ACTR3C: variants seen among roughly 807,000 people sequenced by gnomAD.
ACTR3C encodes the protein actin-related protein 3C.
A neutral mutation model predicts 26.3 loss-of-function variants in ACTR3C; 18 were observed. That is an observed-to-expected ratio of 0.68 (90% CI 0.47 to 1.01). ACTR3C has a LOEUF of 1.01. ACTR3C is among the 50% of genes least tolerant of loss of function. The pLI is 0.00. For missense variants in ACTR3C, 184 were observed against 250.7 expected (o/e 0.73, Z 1.80); for synonymous variants, 55 against 94.5 (o/e 0.58, Z 2.42).
chr7:150,308,359 G>T (rs1338680026), intron 1 of ACTR3C, among the ~76,000 whole-genome samples: 1 of 152,186 alleles, frequency 6.6e-6, no homozygotes, highest in South Asian at 2.1e-4. Context: ...CTGCAACTCC[G>T]CTTGGCCCCA....
chr7:150,007,578 C>T, the ACTR3C span, among the ~76,000 whole-genome samples: 1 of 152,242 alleles, frequency 6.6e-6, no homozygotes, highest in East Asian at 1.9e-4. Flanking sequence ...GTTGATACCT[C>T]AGATAACCAC....
chr7:150,246,431 A>G (rs1832466161), downstream of ACTR3C: 1 of 152,216 alleles, frequency 6.6e-6, no homozygotes, highest in African/African-American at 2.4e-5. Context: ...ATAAGGATGC[A>G]TGCTGTCAGA....
the ACTR3C span, among the ~76,000 whole-genome samples, chr7:150,117,359 C>A: frequency 6.6e-6 from 1 of 152,304 alleles, no homozygotes; most frequent in Non-Finnish European, 1.5e-5. Flanking sequence ...CCAGCACAAC[C>A]ATCTGAAGTC....
At chr7:150,231,307 C>T in the ACTR3C span, among the ~76,000 whole-genome samples, 1 of 151,982 alleles carries the variant, frequency 6.6e-6, no homozygotes, top group African/African-American at 2.4e-5. Context: ...TCATGGGAGG[C>T]ATTTGGGTCT....
At chr7:149,985,195 T>C in the ACTR3C span, among the ~76,000 whole-genome samples, 1 of 122,692 alleles carries the variant, frequency 8.2e-6, no homozygotes, top group South Asian at 3.0e-4. Context: ...AAATCATGCT[T>C]GCAAACAAAG....
chr7:150,249,493 A>G (rs2373771), intron 6 of ACTR3C, among the ~76,000 whole-genome samples: 14,636 of 151,992 alleles, frequency 0.096, 2,366 homozygotes, highest in African/African-American at 0.33. Context: ...TCATTCTGTC[A>G]CCCAGGCTGG....
chr7:150,097,222 T>C, the ACTR3C span, among the ~76,000 whole-genome samples: 1 of 151,548 alleles, frequency 6.6e-6, no homozygotes, highest in Non-Finnish European at 1.5e-5. Flanking sequence ...GAGTGTCACA[T>C]GCGCTCAGCT....
chr7:150,171,535 C>G, the ACTR3C span, among the ~76,000 whole-genome samples: 7 of 149,622 alleles, frequency 4.7e-5, no homozygotes, highest in Non-Finnish European at 8.8e-5. Context: ...GAATAGAGCA[C>G]AGGTTTCAAA....
At chr7:150,241,075 G>T (rs1391694869), downstream of ACTR3C, among the ~76,000 whole-genome samples, 9 of 151,528 alleles carry the variant, frequency 5.9e-5, no homozygotes, top group Non-Finnish European at 1.2e-4. Flanking sequence ...GAGAGATACA[G>T]TTTATGAATC....
chr7:149,944,113 G>A, the ACTR3C span, among the ~76,000 whole-genome samples: 2 of 146,826 alleles, frequency 1.4e-5, no homozygotes, highest in African/African-American at 5.4e-5. Flanking sequence ...GCTGCTTACT[G>A]GATTTCTTGT....
At chr7:150,004,048 T>TGATGTATGTAG in the ACTR3C span, among the ~76,000 whole-genome samples, 2,488 of 151,346 alleles carry the variant, frequency 0.016, 2 homozygotes, top group African/African-American at 0.056. Flanking sequence ...ATGGTGTGTA[T>TGATGTATGTAG]GATGTATGTA....
At chr7:150,015,064 T>A in the ACTR3C span, among the ~76,000 whole-genome samples, 4 of 152,200 alleles carry the variant, frequency 2.6e-5, no homozygotes, top group Non-Finnish European at 5.9e-5. Flanking sequence ...ATAAAAGGAC[T>A]TCTGCAGAGT....
chr7:150,229,424 C>T, the ACTR3C span, among the ~76,000 whole-genome samples: 1,061 of 152,100 alleles, frequency 7.0e-3, 15 homozygotes, highest in African/African-American at 0.024. Context: ...GCTTTCTCCA[C>T]ATCTATTGGT....
chr7:150,107,895 T>A, the ACTR3C span, among the ~76,000 whole-genome samples: 1 of 151,986 alleles, frequency 6.6e-6, no homozygotes. Context: ...CAAAAACGTT[T>A]AGAGCTTTTT....
At chr7:149,979,402 G>A in the ACTR3C span, among the ~76,000 whole-genome samples, 6 of 152,178 alleles carry the variant, frequency 3.9e-5, no homozygotes, top group African/African-American at 1.4e-4. Context: ...AGTCCAAAAC[G>A]TGTATTCCCT....
the ACTR3C span, among the ~76,000 whole-genome samples, chr7:150,082,947 C>CTTTTTTTTTTTTTT: frequency 9.5e-4 from 103 of 108,466 alleles, no homozygotes; most frequent in East Asian, 1.3e-3. Flanking sequence ...TTTTTTTTTT[C>CTTTTTTTTTTTTTT]TTTTTTTTTT....
chr7:149,998,535 A>T, the ACTR3C span, among the ~76,000 whole-genome samples: 1 of 149,116 alleles, frequency 6.7e-6, no homozygotes, highest in African/African-American at 2.5e-5. Flanking sequence ...TGTCCTTCAC[A>T]CGGCAGCAGG....
At chr7:149,990,097 T>TC in the ACTR3C span, among the ~76,000 whole-genome samples, 1 of 152,092 alleles carries the variant, frequency 6.6e-6, no homozygotes, top group Admixed American at 6.6e-5. Flanking sequence ...CAATTTTTCC[T>TC]CCAGCCTTTC....
In ACTR3C at chr7:150,311,074, T is replaced by G. The variant is rs190809777; in HGVS notation, c.-52+12395A>C. Among the ~76,000 whole-genome samples the G allele has an allele frequency of 6.0e-3, 914 of 152,276 alleles. 7 individuals are homozygous for G. The highest frequency in any genetic ancestry group is 0.027 in the Middle Eastern group (8 of 294). On this transcript the variant is annotated intron_variant, in intron 1 of 7. Coordinates refer to ENST00000683684, the MANE Select transcript of ACTR3C (RefSeq NM_001164458.2). Reference sequence around the variant, plus strand: ...ATTGTTGGATACTTGCAACTCTGGGTACCAAACTTTGTCATTCTAACCAAA... The same window carrying G: ...ATTGTTGGATACTTGCAACTCTGGGGACCAAACTTTGTCATTCTAACCAAA...
Sources: allele counts gnomAD v4.1 joint callset (sites outside exome capture counted in the v4.1 genomes callset), GRCh38; gene constraint gnomAD v4.1.1; transcripts MANE v1.5; gene names NCBI Gene and HGNC (gene_info 2026-07-23, HGNC 2026-07-21).